Variants in SMYD3 observed in about 807,000 individuals in gnomAD.
SMYD3 encodes SET and MYND domain containing 3, also known as histone-lysine N-methyltransferase SMYD3.
In SMYD3, 36 loss-of-function variants were observed where a neutral mutation model predicts 57.7. The ratio of observed to expected loss-of-function variants is 0.62; its 90% confidence interval spans 0.48 to 0.82. The LOEUF (loss-of-function observed/expected upper bound fraction) is 0.82. Ranked by LOEUF, SMYD3 falls within the 40% of genes least tolerant of loss-of-function variation. The probability of loss-of-function intolerance (pLI) is 0.00; values close to 1 mark genes in which losing one functional copy is unlikely to be tolerated. For missense variants in SMYD3, 515 were observed against 538.8 expected, an observed-to-expected ratio of 0.96 and a Z score of 0.44; for synonymous variants, 211 against 195.0, an observed-to-expected ratio of 1.08 and a Z score of -0.68.
chr1:246,089,465 A>C (rs2060782620), intron 5 of SMYD3, among the ~76,000 whole-genome samples: 1 of 152,190 alleles, frequency 6.6e-6, no homozygotes, highest in Non-Finnish European at 1.5e-5. Context: ...ATTTTGGGAA[A>C]GGTGCATATC....
At chr1:246,139,129 G>A (rs1019358286) in intron 5 of SMYD3, among the ~76,000 whole-genome samples, 4 of 152,180 alleles carry the variant, frequency 2.6e-5, no homozygotes, top group African/African-American at 9.7e-5. Flanking sequence ...AGGTTCAGGG[G>A]ACTGATTGAG....
intron 5 of SMYD3, among the ~76,000 whole-genome samples, chr1:246,142,196 T>C (rs1053363780): frequency 6.6e-6 from 1 of 152,212 alleles, no homozygotes; most frequent in Admixed American, 6.5e-5. Flanking sequence ...CTCTATGCTT[T>C]TTCTTATACA....
intron 11 of SMYD3, among the ~76,000 whole-genome samples, chr1:245,752,648 C>T (rs1413366378): frequency 6.6e-6 from 1 of 152,168 alleles, no homozygotes; most frequent in Non-Finnish European, 1.5e-5. Flanking sequence ...CAGTATATTC[C>T]TGTTCATGGA....
chr1:246,214,489 A>C (rs996847039), intron 5 of SMYD3, among the ~76,000 whole-genome samples: 1 of 152,212 alleles, frequency 6.6e-6, no homozygotes, highest in Non-Finnish European at 1.5e-5. Context: ...TGAAGCTCAT[A>C]GTATCAGCTC....
At chr1:246,278,139 C>A (rs776003946) in intron 5 of SMYD3, among the ~76,000 whole-genome samples, 1 of 152,040 alleles carries the variant, frequency 6.6e-6, no homozygotes, top group Admixed American at 6.6e-5. Context: ...TGCCTCAGGT[C>A]GGCCTGGAGG....
At chr1:245,857,008 C>T (rs552494725) in intron 10 of SMYD3, among the ~76,000 whole-genome samples, 5 of 152,138 alleles carry the variant, frequency 3.3e-5, no homozygotes, top group East Asian at 1.9e-4. Context: ...TCTTTGAATG[C>T]GATTCGTATT....
chr1:245,752,338 G>A (rs990738999), intron 11 of SMYD3, among the ~76,000 whole-genome samples: 2 of 152,248 alleles, frequency 1.3e-5, no homozygotes, highest in South Asian at 4.1e-4. Flanking sequence ...AGAGGCCCTC[G>A]GCTGGGTGAG....
intron 1 of SMYD3, 56 bp downstream of exon 1, chr1:246,506,995 CCCT>C (rs201911211): frequency 0.15 from 114,397 of 782,446 alleles, 4,139 homozygotes; most frequent in Non-Finnish European, 0.16. Context: ...CGACGCCCCC[CCCT>C]CCCCAGCACC....
At chr1:245,912,379 C>T (rs1318365613) in intron 8 of SMYD3, among the ~76,000 whole-genome samples, 1 of 152,054 alleles carries the variant, frequency 6.6e-6, no homozygotes, top group Non-Finnish European at 1.5e-5. Context: ...AATGGAAAGG[C>T]ATACCATGCT....
chr1:246,472,496 A>T (rs191173444), intron 1 of SMYD3, among the ~76,000 whole-genome samples: 228 of 152,310 alleles, frequency 1.5e-3, no homozygotes, highest in Admixed American at 6.6e-3. Context: ...TAGCCCCAGC[A>T]CTTTGGGAGG....
At chr1:246,454,192 G>A (rs1188507805) in intron 1 of SMYD3, among the ~76,000 whole-genome samples, 2 of 152,136 alleles carry the variant, frequency 1.3e-5, no homozygotes, top group African/African-American at 4.8e-5. Flanking sequence ...CATCCATAAA[G>A]AAACTGCTAT....
At chr1:246,457,041 T>C (rs571277190) in intron 1 of SMYD3, among the ~76,000 whole-genome samples, 3 of 152,334 alleles carry the variant, frequency 2.0e-5, no homozygotes, top group Non-Finnish European at 4.4e-5. Context: ...TACAGCCTTA[T>C]ATGGAGCCTT....
chr1:246,103,221 G>C (rs55953437), intron 5 of SMYD3, among the ~76,000 whole-genome samples: 4,958 of 152,206 alleles, frequency 0.033, 281 homozygotes, highest in African/African-American at 0.11. Context: ...TTATAATACA[G>C]AAGGCCCCAT....
At chr1:245,876,573 T>G (rs1261744077) in intron 8 of SMYD3, among the ~76,000 whole-genome samples, 9 of 152,244 alleles carry the variant, frequency 5.9e-5, no homozygotes, top group Admixed American at 5.9e-4. Context: ...GTCTCCCATG[T>G]TCTCTGCTTT....
intron 7 of SMYD3, among the ~76,000 whole-genome samples, chr1:245,918,382 C>T (rs2055602728): frequency 6.6e-6 from 1 of 152,146 alleles, no homozygotes; most frequent in African/African-American, 2.4e-5. Flanking sequence ...GGAGAGAGGG[C>T]TGTAGAAGAA....
rs571809902 is a variant in SMYD3 at position 245,886,923 on chromosome 1, T to C, written c.814-23037A>G. The stretch of plus-strand genomic sequence containing the variant: ...ACCCACTGCTGGCCTTACCAGCCTT[T>C]ATCCTCCAGCAATACTAAACCATTA... On this transcript the variant is annotated intron_variant, in intron 8 of 11. Coordinates refer to ENST00000490107, the MANE Select transcript of SMYD3 (RefSeq NM_001167740.2). 5.8e-4 allele frequency among the ~76,000 whole-genome samples: 88 copies of C among 152,246 alleles called. 1 individual carries two copies. The highest frequency in any genetic ancestry group is 1.0e-3 in the Non-Finnish European group (71 of 68,014).
At chr1:245,991,297 T>C (rs12116734) in intron 5 of SMYD3, among the ~76,000 whole-genome samples, 77,670 of 152,052 alleles carry the variant, frequency 0.51, 23,546 homozygotes, top group Middle Eastern at 0.69. Context: ...AGTTCATTAA[T>C]GGTAAAATAG....
At chr1:245,751,150 A>C (rs757998678) in intron 11 of SMYD3, among the ~76,000 whole-genome samples, 1 of 152,128 alleles carries the variant, frequency 6.6e-6, no homozygotes, top group Non-Finnish European at 1.5e-5. Context: ...TTACTAAGCT[A>C]CTCCTGGAAA....
At chr1:246,039,163 AC>A (rs2059826741) in intron 5 of SMYD3, among the ~76,000 whole-genome samples, 1 of 152,226 alleles carries the variant, frequency 6.6e-6, no homozygotes, top group Admixed American at 6.5e-5. Flanking sequence ...CCTAAAAAAT[AC>A]AAATAGCAAT....
Sources: gnomAD v4.1 joint callset for allele counts (sites outside exome capture counted in the v4.1 genomes callset) on GRCh38, gnomAD v4.1.1 for gene constraint, MANE v1.5 for transcripts, NCBI Gene and HGNC (gene_info 2026-07-23, HGNC 2026-07-21) for gene names.